SLC41A3: variants seen among roughly 807,000 people sequenced by gnomAD.
SLC41A3 encodes the protein SLC41A1-like 2.
A neutral mutation model predicts 45.4 loss-of-function variants in SLC41A3; 44 were observed. The observed-to-expected ratio is 0.97, with a 90% CI of 0.76 to 1.25. SLC41A3 has a LOEUF of 1.25. Ranked by LOEUF, SLC41A3 falls within the 50% of genes most tolerant of loss-of-function variation. The pLI is 0.00. For missense variants in SLC41A3, 550 were observed against 600.6 expected, an observed-to-expected ratio of 0.92 and a Z score of 0.88; for synonymous variants, 256 against 252.4, an observed-to-expected ratio of 1.01 and a Z score of -0.13.
chr3:126,020,053 T>C (rs1940695131), intron 6 of SLC41A3, among the ~76,000 whole-genome samples: 1 of 152,150 alleles, frequency 6.6e-6, no homozygotes, highest in Non-Finnish European at 1.5e-5. Context: ...TAGTGGCTAC[T>C]AAGCTTCCAA....
At chr3:126,050,899 T>A in intron 3 of SLC41A3, 44 bp downstream of exon 3, 1 of 1,582,066 alleles carries the variant, frequency 6.3e-7, no homozygotes, top group South Asian at 1.2e-5. Flanking sequence ...GGGACGCGCC[T>A]GCCTCACGTT....
chr3:126,060,312 G>A (rs1258544589), intron 2 of SLC41A3, among the ~76,000 whole-genome samples: 3 of 152,096 alleles, frequency 2.0e-5, no homozygotes, highest in East Asian at 1.9e-4. Context: ...CCAGCTACTC[G>A]GGAGGCTGAG....
chr3:126,047,215 T>G (rs972246095), intron 3 of SLC41A3, among the ~76,000 whole-genome samples: 2 of 151,890 alleles, frequency 1.3e-5, no homozygotes, highest in African/African-American at 4.8e-5. Context: ...ATACAAAAAT[T>G]AGCTAGGTGC....
At chr3:126,067,862 A>C (rs1053958982) in intron 2 of SLC41A3, 85 bp downstream of exon 2, 5 of 1,479,490 alleles carry the variant, frequency 3.4e-6, no homozygotes, top group Non-Finnish European at 4.5e-6. Context: ...GACAACCTTT[A>C]AGCTCAACCT....
At chr3:126,042,313 T>C (rs1260620126) in intron 3 of SLC41A3, among the ~76,000 whole-genome samples, 2 of 152,096 alleles carry the variant, frequency 1.3e-5, no homozygotes, top group East Asian at 3.8e-4. Context: ...AGCAGCCATG[T>C]ATATGGGGGA....
Position 126,006,525 on chromosome 3 carries a change from C to A in SLC41A3, c.*491G>T. ...GCCCCATCCTGGGGAGGCTGTACACCTTCTTGGCACAGCAGCAGTGTGGCC... is the reference window on the plus strand; with the variant it reads ...GCCCCATCCTGGGGAGGCTGTACACATTCTTGGCACAGCAGCAGTGTGGCC... On this transcript the variant is annotated 3_prime_UTR_variant, in exon 11 of 11. Transcript: ENST00000360370. The A allele has an allele frequency of 1.2e-6, 2 of 1,612,490 alleles. No individual in the cohort carries two copies. Among genetic ancestry groups the A allele is most frequent in the Non-Finnish European group, 1.7e-6 (2 of 1,179,702 alleles).
intron 1 of SLC41A3, among the ~76,000 whole-genome samples, chr3:126,093,860 A>C (rs565414836): frequency 8.5e-5 from 13 of 152,338 alleles, no homozygotes; most frequent in Admixed American, 7.8e-4. Flanking sequence ...TGAAATAACT[A>C]TTCAGGGAAA....
Position 126,068,166 on chromosome 3 carries a change from C to T in SLC41A3, c.54G>A (p.Gly18=), listed in dbSNP as rs774025211. The change falls in exon 2 of 11, where the codon GGG becomes GGA. Residue 18 remains glycine (G), a synonymous_variant. Coordinates refer to ENST00000360370, the MANE Select transcript of SLC41A3 (RefSeq NM_017836.4). ...TGAGGGGGTGAGGAAGCCCCAGCTC[C>T]CCTGGCTTGCCACAGCTGTCCAGCC... ...QRRLDSCGKP[G]ELGLPHPLST... The T allele has an allele frequency of 6.3e-6, 10 of 1,591,194 alleles. No individual in the cohort carries two copies. The Admixed American group carries it at 1.6e-4, about 25-fold the overall frequency.
At chr3:126,061,485 A>G (rs769999283) in intron 2 of SLC41A3, among the ~76,000 whole-genome samples, 1 of 152,128 alleles carries the variant, frequency 6.6e-6, no homozygotes, top group East Asian at 1.9e-4. Flanking sequence ...CCTCATTGCT[A>G]TCAACGTTGA....
Position 126,033,708 on chromosome 3 carries a change from G to A in SLC41A3, c.382-30C>T, listed in dbSNP as rs79485454. On this transcript the variant is annotated intron_variant, in intron 3 of 10. Coordinates refer to ENST00000360370, the MANE Select transcript of SLC41A3 (RefSeq NM_017836.4). The stretch of plus-strand genomic sequence containing the variant: ...AATGAAGAGAAAAGGACAAAGGTAG[G>A]ACTGGCTAGGCCCAAAGCCAGGTCA... 18,355 of 1,604,638 alleles carry A rather than the reference G, an allele frequency of 0.011. 1,412 individuals carry two copies. In the African/African-American group the frequency reaches 0.19, roughly 16 times the overall value.
rs368380383 is a variant in SLC41A3, at chr3:126,022,900, G to T, written c.631C>A (p.Arg211=). The change falls in exon 6 of 11, where the codon CGA becomes AGA. Residue 211 remains arginine (R), a synonymous_variant. Transcript: ENST00000360370. ...VLMVCIVIGA[R]KLGVNPDNIA... ...TTGTCTGGGTTGACCCCGAGCTTTC[G>T]AGCACCAATCACTATACAGACCATC... 1 of 1,614,182 alleles carries T rather than the reference G, an allele frequency of 6.2e-7. No homozygotes were observed. The highest frequency in any genetic ancestry group is 8.5e-7 in the Non-Finnish European group (1 of 1,180,036).
chr3:126,079,468 A>G lies in SLC41A3; in HGVS notation c.-28+4625T>C, dbSNP rs182048694. On this transcript the variant is annotated intron_variant, in intron 1 of 10. Transcript: ENST00000360370. The stretch of plus-strand genomic sequence containing the variant: ...AGACAAAGGATAAGTGTGCAAAAAG[A>G]ATGAAGAACTCCTACAGAGAAAACC... Among the ~76,000 whole-genome samples the G allele has an allele frequency of 2.0e-4, 30 of 152,366 alleles. No homozygotes were observed. In the East Asian group the frequency reaches 5.8e-3, roughly 29 times the overall value.
At chr3:126,037,711 T>G (rs900423369) in intron 3 of SLC41A3, among the ~76,000 whole-genome samples, 1 of 152,210 alleles carries the variant, frequency 6.6e-6, no homozygotes, top group African/African-American at 2.4e-5. Context: ...AGAGCATACA[T>G]TTTTGAAAAA....
chr3:126,033,656 T>A lies in SLC41A3; in HGVS notation c.404A>T (p.Asp135Val), dbSNP rs781264530. 1 of 1,612,548 alleles carries A rather than the reference T, an allele frequency of 6.2e-7. No individual in the cohort carries two copies. The highest frequency in any genetic ancestry group is 8.5e-7 in the Non-Finnish European group (1 of 1,179,784). ...GATGACTCTGTGCTGCTCCTGGGGG[T>A]CATCAATTTGTCCAGTGTTGGCCTA... The part of the protein sequence containing the change: ...STAANTGQID[D>V]PQEQHRVISS... Residue 135 changes from aspartate (D) to valine (V), a missense_variant, in exon 4 of 11, where the codon GAC becomes GTC. By Grantham distance (152) the Asp-to-Val change is radical. Transcript: ENST00000360370.
chr3:126,037,438 T>A (rs1269583478), intron 3 of SLC41A3, among the ~76,000 whole-genome samples: 2 of 152,152 alleles, frequency 1.3e-5, no homozygotes, highest in Non-Finnish European at 2.9e-5. Flanking sequence ...TGATGAGGTC[T>A]CAGGTGGAAA....
At chr3:126,072,950 A>G (rs1402942607) in intron 1 of SLC41A3, among the ~76,000 whole-genome samples, 1 of 152,204 alleles carries the variant, frequency 6.6e-6, no homozygotes, top group Non-Finnish European at 1.5e-5. Context: ...AAAAAACAAG[A>G]TCATGTCATC....
At chr3:126,075,636 T>G (rs932521964) in intron 1 of SLC41A3, among the ~76,000 whole-genome samples, 1 of 152,208 alleles carries the variant, frequency 6.6e-6, no homozygotes, top group Non-Finnish European at 1.5e-5. Context: ...AATAGAAATA[T>G]AGATTAACAG....
At chr3:126,034,131 C>G (rs183508881) in intron 3 of SLC41A3, among the ~76,000 whole-genome samples, 84 of 152,310 alleles carry the variant, frequency 5.5e-4, no homozygotes, top group African/African-American at 1.9e-3. Flanking sequence ...GGCCAGGTCC[C>G]CCTGCCACCT....
chr3:126,056,473 G>A (rs1943671942), intron 2 of SLC41A3: 1 of 1,614,190 alleles, frequency 6.2e-7, no homozygotes, highest in Non-Finnish European at 8.5e-7. Flanking sequence ...CCCATGTGGG[G>A]ACCGGGTAAG....
Sources: allele counts gnomAD v4.1 joint callset (sites outside exome capture counted in the v4.1 genomes callset), GRCh38; gene constraint gnomAD v4.1.1; transcripts MANE v1.5; gene names NCBI Gene and HGNC (gene_info 2026-07-23, HGNC 2026-07-21).